The following CFAP161 variants were observed in gnomAD, a reference collection of about 807,000 sequenced individuals.
The protein encoded by CFAP161 is cilia- and flagella-associated protein 161.
A neutral mutation model predicts 29.0 loss-of-function variants in CFAP161; 25 were observed. That is an observed-to-expected ratio of 0.86 (90% confidence interval 0.63 to 1.20). The LOEUF (loss-of-function observed/expected upper bound fraction) is 1.20, where lower values mean the gene tolerates loss of function less well. Ranked by LOEUF, CFAP161 falls within the 50% of genes most tolerant of loss-of-function variation. The pLI, the probability that CFAP161 is intolerant of heterozygous loss-of-function variation, is 0.00. For synonymous variants in CFAP161, 116 were observed against 137.4 expected, an observed-to-expected ratio of 0.84 and a Z score of 1.09; for missense variants, 367 against 371.9, an observed-to-expected ratio of 0.99 and a Z score of 0.11.
chr15:81,136,642 C>A lies in CFAP161; in HGVS notation c.286C>A (p.Pro96Thr). 1 of 1,614,122 alleles carries A rather than the reference C, an allele frequency of 6.2e-7. No homozygotes were observed. The highest frequency in any genetic ancestry group is 8.5e-7 in the Non-Finnish European group (1 of 1,180,010). The change falls in exon 3 of 7, where the codon CCA becomes ACA. Residue 96 changes from proline to threonine, a missense_variant. Coordinates refer to ENST00000286732, the MANE Select transcript of CFAP161 (RefSeq NM_173528.4). ...LRGDLSLCMTPDEIQSHLKDE... is the reference protein window; with the variant it reads ...LRGDLSLCMTTDEIQSHLKDE... ...TGGGGACCTGAGCCTGTGTATGACTCCAGATGAAATTCAGTCCCATCTGAA... is the reference window on the plus strand; with the variant it reads ...TGGGGACCTGAGCCTGTGTATGACTACAGATGAAATTCAGTCCCATCTGAA...
chr15:81,147,286 C>T (rs78080029), intron 5 of CFAP161, among the ~76,000 whole-genome samples: 2,766 of 152,022 alleles, frequency 0.018, 86 homozygotes, highest in African/African-American at 0.06. Flanking sequence ...TTCTTCCTCT[C>T]CCCCCCAGTA....
intron 1 of CFAP161, among the ~76,000 whole-genome samples, chr15:81,123,244 A>G (rs1316082322): frequency 6.6e-6 from 1 of 152,092 alleles, no homozygotes; most frequent in East Asian, 1.9e-4. Flanking sequence ...TCCAGTTTTA[A>G]TCTTCCGCAT....
intron 1 of CFAP161, among the ~76,000 whole-genome samples, chr15:81,115,849 A>T (rs1010363319): frequency 7.2e-6 from 1 of 138,688 alleles, no homozygotes; most frequent in African/African-American, 2.7e-5. Flanking sequence ...TAGCTAATTA[A>T]TTTTTTTTTT....
intron 1 of CFAP161, among the ~76,000 whole-genome samples, chr15:81,114,120 A>G (rs1258806131): frequency 6.6e-6 from 1 of 152,250 alleles, no homozygotes; most frequent in Admixed American, 6.5e-5. Flanking sequence ...GGCATGGAGA[A>G]AAAATAGACA....
At chr15:81,117,543 CTT>C (rs35047343) in intron 1 of CFAP161, 1,567 of 135,338 alleles carry the variant, frequency 0.012, 23 homozygotes, top group African/African-American at 0.039. Flanking sequence ...ATCACAGCTA[CTT>C]TTTTTTTTTT....
At chr15:81,143,336 A>G (rs1894946665) in intron 4 of CFAP161, among the ~76,000 whole-genome samples, 2 of 152,054 alleles carry the variant, frequency 1.3e-5, no homozygotes, top group African/African-American at 4.8e-5. Flanking sequence ...AAAACAAAAC[A>G]AACCCATTGG....
At chr15:81,136,071 A>C (rs1052832086) in intron 2 of CFAP161, among the ~76,000 whole-genome samples, 4 of 152,264 alleles carry the variant, frequency 2.6e-5, no homozygotes, top group Non-Finnish European at 4.4e-5. Context: ...AAAAAATTTC[A>C]TAACTGAGTT....
rs777940019 is a variant in CFAP161, at chr15:81,148,324, C to T, written c.711-14C>T. ...ATTCAATTTCAAACCACAACTGATT[C>T]TCTCTTGCTCCAGCACCTATTTTGG... On this transcript the variant is annotated splice_polypyrimidine_tract_variant and intron_variant, in intron 6 of 6. Transcript: ENST00000286732. 1.9e-6 allele frequency: 3 copies of T among 1,595,846 alleles called. No individual in the cohort carries two copies. The South Asian group carries it at 3.3e-5, about 18-fold the overall frequency.
intron 1 of CFAP161, among the ~76,000 whole-genome samples, chr15:81,125,677 A>G (rs1567154438): frequency 6.6e-6 from 1 of 152,178 alleles, no homozygotes; most frequent in Non-Finnish European, 1.5e-5. Context: ...ATGAGTACTC[A>G]TTTATCCTTA....
At chr15:81,102,856 G>T (rs1000505639) in intron 1 of CFAP161, among the ~76,000 whole-genome samples, 2 of 152,168 alleles carry the variant, frequency 1.3e-5, no homozygotes, top group Non-Finnish European at 2.9e-5. Context: ...GGATCATTAC[G>T]TTGGGTATTA....
chr15:81,143,114 A>G (rs1894941890), intron 4 of CFAP161, among the ~76,000 whole-genome samples: 1 of 151,882 alleles, frequency 6.6e-6, no homozygotes, highest in Non-Finnish European at 1.5e-5. Flanking sequence ...GGAGTTCAAG[A>G]CCAGCTTGGG....
chr15:81,126,654 C>T (rs905916090), intron 1 of CFAP161, among the ~76,000 whole-genome samples: 1 of 152,112 alleles, frequency 6.6e-6, no homozygotes, highest in East Asian at 1.9e-4. Flanking sequence ...ATCTGAGAGC[C>T]TAATTTTTAT....
At chr15:81,110,325 A>G (rs1894424794) in intron 1 of CFAP161, among the ~76,000 whole-genome samples, 1 of 152,160 alleles carries the variant, frequency 6.6e-6, no homozygotes, top group Non-Finnish European at 1.5e-5. Context: ...GCATCCTCCT[A>G]TAACGAAAAT....
upstream of CFAP161, chr15:81,134,160 G>A (rs1288235828): frequency 4.7e-5 from 32 of 683,168 alleles, no homozygotes; most frequent in Non-Finnish European, 7.5e-5. Context: ...ACAGACAGCC[G>A]CTGACCCAGA....
At position 81,119,790 on chromosome 15, in the gene CFAP161, C is replaced by A. The variant is rs1162384017; in HGVS notation, c.-141-7800C>A. ...CAAAACCCAATCACAGGCCCCAGCC[C>A]CCATGGTGGTTCATGCTTGTAATCC... On this transcript the variant is annotated intron_variant, in intron 1 of 4. Coordinates refer to the CFAP161 transcript ENST00000560091. Among the ~76,000 whole-genome samples, 86 of 152,112 alleles carry A rather than the reference C, an allele frequency of 5.7e-4. 1 individual carries two copies. The highest frequency in any genetic ancestry group is 5.4e-3 in the Admixed American group (83 of 15,282).
At chr15:81,123,495 T>C (rs907599879) in intron 1 of CFAP161, among the ~76,000 whole-genome samples, 1 of 152,232 alleles carries the variant, frequency 6.6e-6, no homozygotes, top group Non-Finnish European at 1.5e-5. Context: ...TTGTTCTTTG[T>C]GCCTAGGATT....
chr15:81,142,075 T>C (rs1894919337), intron 4 of CFAP161, among the ~76,000 whole-genome samples: 1 of 152,054 alleles, frequency 6.6e-6, no homozygotes, highest in Non-Finnish European at 1.5e-5. Flanking sequence ...CCCATCTCCC[T>C]TCCCCACCCA....
At chr15:81,140,330 A>G (rs536446852) in intron 4 of CFAP161, among the ~76,000 whole-genome samples, 1 of 152,354 alleles carries the variant, frequency 6.6e-6, no homozygotes, top group African/African-American at 2.4e-5. Flanking sequence ...ACTTTTGCTT[A>G]CATTTATTAT....
At chr15:81,140,052 TTTTC>T (rs1894880452) in intron 4 of CFAP161, among the ~76,000 whole-genome samples, 1 of 152,186 alleles carries the variant, frequency 6.6e-6, no homozygotes, top group Non-Finnish European at 1.5e-5. Flanking sequence ...CTCGCTTCTT[TTTTC>T]TTTCTCCCTC....
Sources: allele counts gnomAD v4.1 joint callset (sites outside exome capture counted in the v4.1 genomes callset), GRCh38; gene constraint gnomAD v4.1.1; transcripts MANE v1.5; gene names NCBI Gene and HGNC (gene_info 2026-07-23, HGNC 2026-07-21).